Variants in EDIL3 observed in about 807,000 individuals in gnomAD.
The protein encoded by EDIL3 is EGF like and discoidin domains 3.
EDIL3 carries 37 observed loss-of-function variants against 67.4 expected under a neutral mutation model. The ratio of observed to expected loss-of-function variants is 0.55; its 90% CI spans 0.42 to 0.72. The LOEUF (loss-of-function observed/expected upper bound fraction) is 0.72. Among genes scored for constraint, EDIL3 ranks in the 30% least tolerant of loss-of-function variants. The probability of loss-of-function intolerance (pLI) is 0.00; values close to 1 mark genes in which losing one functional copy is unlikely to be tolerated. For synonymous variants in EDIL3, 195 were observed against 196.3 expected, an observed-to-expected ratio of 0.99 and a Z score of 0.05; for missense variants, 527 against 586.3, an observed-to-expected ratio of 0.90 and a Z score of 1.04.
intron 5 of EDIL3, among the ~76,000 whole-genome samples, chr5:84,125,025 T>C (rs189401223): frequency 3.3e-5 from 5 of 152,094 alleles, no homozygotes; most frequent in African/African-American, 1.2e-4. Flanking sequence ...AAATTGATCA[T>C]TCATGAAGAC....
At chr5:83,975,046 C>T (rs1045999727) in intron 9 of EDIL3, among the ~76,000 whole-genome samples, 9 of 151,908 alleles carry the variant, frequency 5.9e-5, no homozygotes, top group Admixed American at 2.6e-4. Flanking sequence ...TCCTACAGTA[C>T]GATGTGGCCT....
At chr5:84,222,624 CT>C (rs1360385221) in intron 3 of EDIL3, among the ~76,000 whole-genome samples, 1 of 151,644 alleles carries the variant, frequency 6.6e-6, no homozygotes, top group Non-Finnish European at 1.5e-5. Flanking sequence ...AACAGTATGG[CT>C]TTTGTATTTT....
intron 3 of EDIL3, among the ~76,000 whole-genome samples, chr5:84,186,547 G>C (rs2112363103): frequency 6.6e-6 from 1 of 152,004 alleles, no homozygotes; most frequent in East Asian, 1.9e-4. Context: ...AATATACTAT[G>C]CTTGGTATTA....
chr5:84,320,462 G>A (rs542059216), intron 1 of EDIL3, among the ~76,000 whole-genome samples: 1 of 152,062 alleles, frequency 6.6e-6, no homozygotes, highest in South Asian at 2.1e-4. Context: ...TCAAGTTTGA[G>A]AAGTATGGCA....
chr5:83,997,474 G>T (rs80282089), intron 9 of EDIL3, among the ~76,000 whole-genome samples: 1 of 152,294 alleles, frequency 6.6e-6, no homozygotes, highest in South Asian at 2.1e-4. Flanking sequence ...CAGATTTCTG[G>T]TTTAGGCATG....
chr5:84,045,514 GA>G (rs966247533), intron 9 of EDIL3, among the ~76,000 whole-genome samples: 3 of 149,928 alleles, frequency 2.0e-5, no homozygotes, highest in East Asian at 1.9e-4. Context: ...CTCTTCTAGT[GA>G]AAAAAAAATG....
chr5:84,175,303 G>A (rs1445143308), intron 4 of EDIL3, among the ~76,000 whole-genome samples: 1 of 151,852 alleles, frequency 6.6e-6, no homozygotes, highest in Non-Finnish European at 1.5e-5. Context: ...AAAGTATGGA[G>A]CTACATAGTG....
At chr5:84,217,721 A>AAG (rs1554036426) in intron 3 of EDIL3, among the ~76,000 whole-genome samples, 1 of 134,932 alleles carries the variant, frequency 7.4e-6, no homozygotes, top group Non-Finnish European at 1.6e-5. Context: ...TATACACACA[A>AAG]ACACACACAC....
chr5:84,382,314 T>G (rs1238971442), intron 1 of EDIL3, among the ~76,000 whole-genome samples: 1 of 152,156 alleles, frequency 6.6e-6, no homozygotes, highest in Non-Finnish European at 1.5e-5. Context: ...GAGTAAGCTG[T>G]GCCCTCGGCG....
At chr5:84,280,251 C>T (rs1292045899) in intron 1 of EDIL3, among the ~76,000 whole-genome samples, 2 of 152,116 alleles carry the variant, frequency 1.3e-5, no homozygotes, top group African/African-American at 2.4e-5. Context: ...GGGTGCCCAT[C>T]CCCCAGGCCA....
chr5:84,384,037 G>A (rs891917787), intron 1 of EDIL3, among the ~76,000 whole-genome samples: 4 of 152,118 alleles, frequency 2.6e-5, no homozygotes, highest in African/African-American at 9.7e-5. Flanking sequence ...TGGTCCTGGG[G>A]ACGCTGTCTT....
intron 4 of EDIL3, among the ~76,000 whole-genome samples, chr5:84,158,115 A>G (rs940737984): frequency 1.5e-4 from 23 of 152,088 alleles, no homozygotes; most frequent in South Asian, 2.1e-4. Context: ...GTAAAACCAG[A>G]TGTGCCAAAT....
At chr5:84,323,047 A>C (rs1746682182) in intron 1 of EDIL3, among the ~76,000 whole-genome samples, 1 of 152,028 alleles carries the variant, frequency 6.6e-6, no homozygotes, top group South Asian at 2.1e-4. Flanking sequence ...TAGACCTATA[A>C]AATCTATTAT....
intron 1 of EDIL3, among the ~76,000 whole-genome samples, chr5:84,286,117 A>T (rs1182544525): frequency 6.6e-6 from 1 of 152,204 alleles, no homozygotes; most frequent in Non-Finnish European, 1.5e-5. Context: ...GTCAGGCTGC[A>T]TAAATATTCC....
At chr5:84,348,615 T>C (rs1747283908) in intron 1 of EDIL3, among the ~76,000 whole-genome samples, 1 of 151,636 alleles carries the variant, frequency 6.6e-6, no homozygotes. Flanking sequence ...AAAACACCTG[T>C]TCGAAAATAA....
At chr5:84,278,538 C>T (rs1745632967) in intron 1 of EDIL3, among the ~76,000 whole-genome samples, 2 of 152,168 alleles carry the variant, frequency 1.3e-5, no homozygotes, top group South Asian at 4.1e-4. Context: ...TGAGGACCTA[C>T]CACGTGCCCA....
At chr5:84,223,945 A>G (rs1211606160) in intron 3 of EDIL3, among the ~76,000 whole-genome samples, 1 of 151,534 alleles carries the variant, frequency 6.6e-6, no homozygotes, top group Non-Finnish European at 1.5e-5. Context: ...ATCCCTTTTT[A>G]ATATTTTCAT....
chr5:83,983,431 C>A (rs1296874409), intron 9 of EDIL3, among the ~76,000 whole-genome samples: 1 of 152,000 alleles, frequency 6.6e-6, no homozygotes, highest in East Asian at 1.9e-4. Context: ...ATAGCAAGAT[C>A]AATTTTTCTT....
chr5:84,089,338 A>C (rs1747125316), intron 6 of EDIL3, among the ~76,000 whole-genome samples: 2 of 152,148 alleles, frequency 1.3e-5, no homozygotes, highest in South Asian at 4.1e-4. Flanking sequence ...AAGCCGATGA[A>C]CTCCTTTTCT....
Sources: gnomAD v4.1 joint callset for allele counts (sites outside exome capture counted in the v4.1 genomes callset) on GRCh38, gnomAD v4.1.1 for gene constraint, MANE v1.5 for transcripts, NCBI Gene and HGNC (gene_info 2026-07-23, HGNC 2026-07-21) for gene names.